The following DHX15 variants were observed in gnomAD, a reference collection of about 807,000 sequenced individuals.
DHX15 encodes ATP-dependent RNA helicase DHX15.
A neutral mutation model predicts 94.4 loss-of-function variants in DHX15; 11 were observed. That is an observed-to-expected ratio of 0.12 (90% CI 0.07 to 0.19). The LOEUF is 0.19. DHX15 is among the 10% of genes least tolerant of loss of function. The pLI is 1.00. For synonymous variants in DHX15, 338 were observed against 329.9 expected, an observed-to-expected ratio of 1.02 and a Z score of -0.27; for missense variants, 304 against 988.5, an observed-to-expected ratio of 0.31 and a Z score of 9.29.
At chr4:24,543,326 C>T (rs1334406956) in intron 6 of DHX15, among the ~76,000 whole-genome samples, 1 of 152,114 alleles carries the variant, frequency 6.6e-6, no homozygotes, top group Non-Finnish European at 1.5e-5. Flanking sequence ...AAGAAAAATA[C>T]TGATGAAGCA....
At chr4:24,549,132 T>C in intron 5 of DHX15, 110 bp from the exon 6 acceptor site, 1 of 836,860 alleles carries the variant, frequency 1.2e-6, no homozygotes, top group South Asian at 3.5e-5. Context: ...TTTCACTTCA[T>C]GGATACCCTG....
At chr4:24,549,686 C>T (rs2109402961) in intron 5 of DHX15, among the ~76,000 whole-genome samples, 1 of 152,278 alleles carries the variant, frequency 6.6e-6, no homozygotes, top group South Asian at 2.1e-4. Flanking sequence ...GCCTATTGCT[C>T]CCTAGGCTAC....
At position 24,548,425 on chromosome 4, in the gene DHX15, G is replaced by C. The variant is rs566657615; in HGVS notation, c.1248+430C>G. 9.7e-4 allele frequency among the ~76,000 whole-genome samples: 147 copies of C among 152,294 alleles called. 5 individuals carry two copies. In the South Asian group the frequency reaches 0.03, roughly 31 times the overall value. On this transcript the variant is annotated intron_variant, in intron 6 of 13. Coordinates refer to ENST00000336812, the MANE Select transcript of DHX15 (RefSeq NM_001358.3). Reference sequence around the variant, plus strand: ...CCCAAAGTGCTGGGATTACAGGCCTGAGCCGCCACGCCCGGCCAGATCAGT... The same window carrying C: ...CCCAAAGTGCTGGGATTACAGGCCTCAGCCGCCACGCCCGGCCAGATCAGT...
At chr4:24,533,089 C>T (rs1207616732) in intron 11 of DHX15, 35 bp from the exon 12 acceptor site, 2 of 1,527,242 alleles carry the variant, frequency 1.3e-6, no homozygotes, top group Admixed American at 1.7e-5. Flanking sequence ...AAAGAAGGCA[C>T]CATGAATCAC....
At chr4:24,564,377 T>C (rs1721950555) in intron 3 of DHX15, among the ~76,000 whole-genome samples, 1 of 152,188 alleles carries the variant, frequency 6.6e-6, no homozygotes, top group South Asian at 2.1e-4. Context: ...TGCTGTCAAT[T>C]AAGACAGTGT....
At position 24,538,698 on chromosome 4, in the gene DHX15, GACAA is replaced by G. The variant is rs371686340; in HGVS notation, c.1786+1406_1786+1409del. On this transcript the variant is annotated intron_variant, in intron 10 of 13. Transcript: ENST00000336812. The stretch of plus-strand genomic sequence containing the variant: ...GCTGCACATAAATGCTCATTCTCCT[GACAA>G]ACTAAAGGTTTTTATTTGTAATAAA... 79 of 151,926 alleles carry G rather than the reference GACAA, an allele frequency of 5.2e-4. 1 individual carries two copies. In the East Asian group the frequency reaches 0.013, roughly 25 times the overall value. The allele number at this position is 151,926 out of a possible 1,614,324, so 9.4% of individuals were successfully genotyped here.
intron 6 of DHX15, among the ~76,000 whole-genome samples, chr4:24,545,484 G>A (rs563880976): frequency 6.6e-5 from 10 of 152,218 alleles, no homozygotes; most frequent in African/African-American, 2.2e-4. Context: ...GCAAACCCTC[G>A]TCATTATTGA....
At chr4:24,568,523 A>C (rs572950857) in intron 3 of DHX15, among the ~76,000 whole-genome samples, 99 of 152,286 alleles carry the variant, frequency 6.5e-4, no homozygotes, top group Middle Eastern at 3.4e-3. Context: ...TGAACTATAA[A>C]ATCTGTTACT....
intron 3 of DHX15, among the ~76,000 whole-genome samples, chr4:24,558,378 C>T (rs538747868): frequency 8.5e-5 from 13 of 152,214 alleles, no homozygotes; most frequent in African/African-American, 3.1e-4. Flanking sequence ...TTAAAAGTCA[C>T]CTTCTTTATT....
At chr4:24,564,423 C>T (rs935639997) in intron 3 of DHX15, among the ~76,000 whole-genome samples, 2 of 152,162 alleles carry the variant, frequency 1.3e-5, no homozygotes, top group African/African-American at 2.4e-5. Flanking sequence ...AGCTCATCTA[C>T]CTATAGTATC....
chr4:24,569,774 T>A (rs369308521), intron 3 of DHX15, among the ~76,000 whole-genome samples: 13 of 152,212 alleles, frequency 8.5e-5, no homozygotes, highest in African/African-American at 1.2e-4. Context: ...TCTTTTTTTT[T>A]AAAAGAAATG....
At position 24,528,142 on chromosome 4, in the gene DHX15, A is replaced by C. The variant is rs1347882985; in HGVS notation, c.2271-101T>G. The C allele has an allele frequency of 9.8e-6, 7 of 712,030 alleles. No individual in the cohort carries two copies. The East Asian group carries it at 1.5e-4, about 15-fold the overall frequency. 44.1% of individuals were successfully genotyped at this position (712,030 alleles called of 1,614,324 possible). A position where few individuals can be genotyped will look rare whatever the true frequency, so the allele number is the denominator to read the frequency against. On this transcript the variant is annotated intron_variant, in intron 13 of 13. Transcript: ENST00000336812. The stretch of plus-strand genomic sequence containing the variant: ...TATTCATTAATATACTGATGAACCA[A>C]GGCAAATCTATGAATTCAAGTCTCA...
Position 24,540,089 on chromosome 4 carries a change from G to C in DHX15, c.1786+19C>G. 6.9e-7 allele frequency: 1 copy of C among 1,456,414 alleles called. No individual in the cohort carries two copies. The highest frequency in any genetic ancestry group is 9.1e-7 in the Non-Finnish European group (1 of 1,099,036). 90.2% of individuals were successfully genotyped at this position (1,456,414 alleles called of 1,614,324 possible). A position where few individuals can be genotyped will look rare whatever the true frequency, so the allele number is the denominator to read the frequency against. On this transcript the variant is annotated intron_variant, in intron 10 of 13. Coordinates refer to ENST00000336812, the MANE Select transcript of DHX15 (RefSeq NM_001358.3). The stretch of plus-strand genomic sequence containing the variant: ...ACTTTGAAGAGCTGGGCTTTTTTTT[G>C]TTCCTTTCCCTCTATTACCTGACAA...
chr4:24,583,367 T>C (rs73804160), intron 1 of DHX15, among the ~76,000 whole-genome samples: 232 of 152,218 alleles, frequency 1.5e-3, no homozygotes, highest in African/African-American at 4.2e-3. Flanking sequence ...AACCTCCACA[T>C]GGGCGGTGTT....
chr4:24,561,345 C>T (rs1218753524), intron 3 of DHX15, among the ~76,000 whole-genome samples: 3 of 152,194 alleles, frequency 2.0e-5, no homozygotes, highest in Non-Finnish European at 4.4e-5. Flanking sequence ...AAAGGGAATG[C>T]TTATCCACTG....
chr4:24,554,866 A>C lies in DHX15; in HGVS notation c.939T>G (p.Pro313=). 1 of 1,613,816 alleles carries C rather than the reference A, an allele frequency of 6.2e-7. No individual in the cohort carries two copies. Among genetic ancestry groups the C allele is most frequent in the Non-Finnish European group, 8.5e-7 (1 of 1,179,876 alleles). The change falls in exon 5 of 14, where the codon CCT becomes CCG. Residue 313 remains proline, a synonymous_variant. Transcript: ENST00000336812. The stretch of plus-strand genomic sequence containing the variant: ...AGATCTCAACAGGATGTGTACGCCC[A>C]GGAATAGTTAGGAGAGGACAGTTAT... The part of the protein sequence containing the change: ...YFDNCPLLTI[P]GRTHPVEIFY...
At chr4:24,568,183 C>T (rs1722037641) in intron 3 of DHX15, among the ~76,000 whole-genome samples, 1 of 152,166 alleles carries the variant, frequency 6.6e-6, no homozygotes, top group African/African-American at 2.4e-5. Context: ...CTCTTTACCA[C>T]CCTAGAGTGA....
intron 6 of DHX15, among the ~76,000 whole-genome samples, chr4:24,547,921 A>ATCTATATC (rs1560765809): frequency 1.1e-5 from 1 of 89,176 alleles, no homozygotes; most frequent in Admixed American, 1.2e-4. Flanking sequence ...ATATATATAT[A>ATCTATATC]TATATATATA....
intron 3 of DHX15, among the ~76,000 whole-genome samples, chr4:24,567,095 ATC>A (rs1722008856): frequency 1.3e-5 from 2 of 152,308 alleles, no homozygotes; most frequent in African/African-American, 2.4e-5. Flanking sequence ...CAACACAAAA[ATC>A]TCTAATTTTA....
Sources: allele counts gnomAD v4.1 joint callset (sites outside exome capture counted in the v4.1 genomes callset), GRCh38; gene constraint gnomAD v4.1.1; transcripts MANE v1.5; gene names NCBI Gene and HGNC (gene_info 2026-07-23, HGNC 2026-07-21).